Variants in MCM3AP observed in about 807,000 individuals in gnomAD.
MCM3AP encodes the protein germinal-center associated nuclear protein.
Under a neutral mutation model 184.1 loss-of-function variants are expected in MCM3AP, and 126 were observed. The observed-to-expected ratio is 0.68, with a 90% confidence interval of 0.59 to 0.79. MCM3AP has a LOEUF of 0.79. MCM3AP is among the 30% of genes least tolerant of loss of function. The pLI is 0.00. For missense variants in MCM3AP, 2,496 were observed against 2,479.2 expected (o/e 1.01, Z -0.14); for synonymous variants, 1,002 against 979.3 (o/e 1.02, Z -0.43).
chr21:46,255,386 CGA>C (rs1342257480), intron 17 of MCM3AP, among the ~76,000 whole-genome samples: 1 of 152,018 alleles, frequency 6.6e-6, no homozygotes. Flanking sequence ...GGGACGCCGC[CGA>C]GAGGCAACGC....
rs149834996 is a variant in MCM3AP at position 46,262,626 on chromosome 21, T to G, written c.3336-1215A>C. On this transcript the variant is annotated intron_variant, in intron 13 of 27. Coordinates refer to ENST00000291688, the MANE Select transcript of MCM3AP (RefSeq NM_003906.5). ...TTGTGCTTCTGCACTCGGGTCTAGG[T>G]GACAAAGTAAGACCCTGTCTCAAAA... is the stretch of plus-strand genomic sequence containing the variant. Among the ~76,000 whole-genome samples, 52 of 149,802 alleles carry G rather than the reference T, an allele frequency of 3.5e-4. 3 individuals carry two copies. The East Asian group carries it at 0.01, about 29-fold the overall frequency.
At chr21:46,235,972 T>A (rs2080516369) in intron 27 of MCM3AP, among the ~76,000 whole-genome samples, 1 of 152,238 alleles carries the variant, frequency 6.6e-6, no homozygotes, top group Non-Finnish European at 1.5e-5. Context: ...GGCTGTGAAT[T>A]ATTCTATCAC....
Position 46,273,386 on chromosome 21 carries a change from A to G in MCM3AP, c.2196+2T>C. The G allele has an allele frequency of 6.2e-7, 1 of 1,613,738 alleles. No individual in the cohort carries two copies. The highest frequency in any genetic ancestry group is 8.5e-7 in the Non-Finnish European group (1 of 1,179,722). ...AGCATCCAGGTTGGAGGCAGCCAAT[A>G]CCTTCCGTATGCCACGCGTGCGGTT... On this transcript the variant is annotated splice_donor_variant, in intron 7 of 27. Coordinates refer to ENST00000291688, the MANE Select transcript of MCM3AP (RefSeq NM_003906.5). LOFTEE classifies it high-confidence loss of function.
chr21:46,240,241 G>A (rs755913816), intron 26 of MCM3AP, among the ~76,000 whole-genome samples: 1 of 152,202 alleles, frequency 6.6e-6, no homozygotes, highest in Non-Finnish European at 1.5e-5. Context: ...GAGGCGTCAG[G>A]AAGGGGATAT....
chr21:46,265,569 G>A (rs1397121542), intron 11 of MCM3AP, 46 bp from the exon 12 acceptor site: 3 of 1,463,874 alleles, frequency 2.0e-6, no homozygotes, highest in Admixed American at 2.3e-5. Flanking sequence ...GACACAGGGT[G>A]CCTGGCACCA....
chr21:46,246,311 G>C lies in MCM3AP; in HGVS notation c.4643C>G (p.Thr1548Ser). ...PDTINDLQGS[T>S]KVLQAVQWLV... The stretch of plus-strand genomic sequence containing the variant: ...TTAAAAATGATGAAACCTTACCTTA[G>C]TTGAACCTTGTAGATCATTAATGGT... Residue 1548 changes from threonine to serine, a missense_variant, in exon 22 of 28, where the codon ACT becomes AGT. Thr to Ser is a moderately conservative substitution (Grantham distance 58). Around this residue, in one of 5 missense-constraint regions of MCM3AP, gnomAD observed 1,323 missense variants for 1,273.4 expected, o/e 1.04. Coordinates refer to ENST00000291688, the MANE Select transcript of MCM3AP (RefSeq NM_003906.5). 6.3e-7 allele frequency: 1 copy of C among 1,596,154 alleles called. No homozygotes were observed. Among genetic ancestry groups the C allele is most frequent in the Middle Eastern group, 1.7e-4 (1 of 6,046 alleles).
At chr21:46,243,395 C>T in intron 24 of MCM3AP, 70 bp downstream of exon 24, 2 of 1,510,048 alleles carry the variant, frequency 1.3e-6, no homozygotes, top group South Asian at 1.3e-5. Flanking sequence ...AACTAAACAT[C>T]TTCCTTTGCA....
rs1456436484 is a variant in MCM3AP, at chr21:46,239,392, T to C, written c.5633+1419A>G. Among the ~76,000 whole-genome samples, 5 of 152,332 alleles carry C rather than the reference T, an allele frequency of 3.3e-5. No individual in the cohort carries two copies. The East Asian group carries it at 9.6e-4, about 29-fold the overall frequency. ...GATGATAGTGGCTTGAGCCACGTGG[T>C]GGCCATGGAAGTCATAACAAGTGGT... is the stretch of plus-strand genomic sequence containing the variant. On this transcript the variant is annotated intron_variant, in intron 26 of 27. Transcript: ENST00000291688.
At chr21:46,251,297 A>C in intron 20 of MCM3AP, 1 of 383,068 alleles carries the variant, frequency 2.6e-6, no homozygotes, top group Non-Finnish European at 4.7e-6. Flanking sequence ...TATAGTATTA[A>C]AACAGAAAAA....
At chr21:46,264,355 G>T in intron 12 of MCM3AP, 138 bp from the exon 13 acceptor site, 1 of 607,570 alleles carries the variant, frequency 1.6e-6, no homozygotes, top group Non-Finnish European at 2.9e-6. Context: ...CTAGGCTGTT[G>T]CAGGAAAGGT....
chr21:46,254,989 T>C (rs541720022), intron 17 of MCM3AP, 145 bp from the exon 18 acceptor site: 86 of 685,332 alleles, frequency 1.3e-4, no homozygotes, highest in Non-Finnish European at 1.5e-4. Context: ...TCCACAAATA[T>C]CATGTTAAGT....
intron 20 of MCM3AP, among the ~76,000 whole-genome samples, chr21:46,249,256 C>G (rs149910863): frequency 4.1e-4 from 62 of 152,306 alleles, no homozygotes; most frequent in Non-Finnish European, 7.5e-4. Context: ...GGTGCGATCA[C>G]GGCTCACTGC....
intron 9 of MCM3AP, among the ~76,000 whole-genome samples, chr21:46,268,218 T>C (rs767933899): frequency 3.3e-5 from 5 of 152,026 alleles, no homozygotes; most frequent in Non-Finnish European, 5.9e-5. Flanking sequence ...TAAATAAAAA[T>C]AAAAGTAAAA....
At chr21:46,254,744 G>C (rs757606642) in intron 18 of MCM3AP, 32 bp downstream of exon 18, 1 of 1,597,730 alleles carries the variant, frequency 6.3e-7, no homozygotes, top group South Asian at 1.1e-5. Flanking sequence ...GGGATCACCA[G>C]GGGGTGCGCA....
intron 8 of MCM3AP, among the ~76,000 whole-genome samples, chr21:46,271,123 C>T (rs562608293): frequency 6.6e-6 from 1 of 151,422 alleles, no homozygotes; most frequent in African/African-American, 2.4e-5. Flanking sequence ...ATGCTTGTCA[C>T]GTAGAAAAAG....
At position 46,280,153 on chromosome 21, in the gene MCM3AP, G is replaced by A. The variant is rs745308722; in HGVS notation, c.1523-16C>T. 22 of 1,613,130 alleles carry A rather than the reference G, an allele frequency of 1.4e-5. No individual in the cohort carries two copies. Among genetic ancestry groups the A allele is most frequent in the Non-Finnish European group, 1.9e-5 (22 of 1,179,602 alleles). ...TTATTGGGGCCTGTGGACATAGGAG[G>A]CAGAAAAGAGTTTATGCAATCACAG... On this transcript the variant is annotated splice_polypyrimidine_tract_variant and intron_variant, in intron 3 of 27. Coordinates refer to ENST00000291688, the MANE Select transcript of MCM3AP (RefSeq NM_003906.5).
chr21:46,261,514 C>G, intron 13 of MCM3AP, 103 bp from the exon 14 acceptor site: 1 of 998,808 alleles, frequency 1.0e-6, no homozygotes, highest in Non-Finnish European at 1.5e-6. Flanking sequence ...GTGGGCGGAT[C>G]ACAAGGTCAG....
At chr21:46,272,063 C>T (rs1448627422) in intron 8 of MCM3AP, among the ~76,000 whole-genome samples, 1 of 151,964 alleles carries the variant, frequency 6.6e-6, no homozygotes, top group Non-Finnish European at 1.5e-5. Context: ...GAGAGCTCGC[C>T]AGACTTCGCA....
At chr21:46,243,306 A>G (rs1382022669) in intron 24 of MCM3AP, 159 bp downstream of exon 24, 8 of 911,926 alleles carry the variant, frequency 8.8e-6, no homozygotes, top group East Asian at 7.3e-5. Context: ...GCCTGTCTCA[A>G]TGTTTTTAAG....
Sources: allele counts gnomAD v4.1 joint callset (sites outside exome capture counted in the v4.1 genomes callset), GRCh38; gene constraint gnomAD v4.1.1; regional missense constraint gnomAD v4.1.1; transcripts MANE v1.5; gene names NCBI Gene and HGNC (gene_info 2026-07-23, HGNC 2026-07-21).